SLC4A7: variants seen among roughly 807,000 people sequenced by gnomAD.
SLC4A7 encodes the protein sodium bicarbonate cotransporter 3.
SLC4A7 carries 51 observed loss-of-function variants against 137.6 expected under a neutral mutation model. The ratio of observed to expected loss-of-function variants is 0.37; its 90% confidence interval spans 0.30 to 0.47. The LOEUF (loss-of-function observed/expected upper bound fraction) is 0.47. Among genes scored for constraint, SLC4A7 ranks in the 20% least tolerant of loss-of-function variants. The probability of loss-of-function intolerance (pLI) is 1.00; values close to 1 mark genes in which losing one functional copy is unlikely to be tolerated. For missense variants in SLC4A7, 1,247 were observed against 1,525.4 expected (o/e 0.82, Z 3.04); for synonymous variants, 542 against 518.6 (o/e 1.05, Z -0.61).
chr3:27,383,345 C>T (rs1232696734), intron 23 of SLC4A7, 95 bp from the exon 24 acceptor site: 3 of 849,830 alleles, frequency 3.5e-6, no homozygotes, highest in Non-Finnish European at 5.7e-6. Flanking sequence ...GAAACCCAAA[C>T]TGACATTATT....
chr3:27,418,955 A>AT (rs1343565065), intron 10 of SLC4A7, among the ~76,000 whole-genome samples: 1 of 152,212 alleles, frequency 6.6e-6, no homozygotes, highest in Non-Finnish European at 1.5e-5. Context: ...CTTCTATGAC[A>AT]TTTAAATGTC....
In SLC4A7 at chr3:27,456,899, T is replaced by G. The variant is rs151224674; in HGVS notation, c.61-4401A>C. 1.5e-4 allele frequency: 208 copies of G among 1,354,894 alleles called. No individual in the cohort carries two copies. The African/African-American group carries it at 2.9e-3, about 19-fold the overall frequency. 83.9% of individuals were successfully genotyped at this position (1,354,894 alleles called of 1,614,324 possible). A position where few individuals can be genotyped will look rare whatever the true frequency, so the allele number is the denominator to read the frequency against. ...ACACAGGGTCACAGCATAACAGATT[T>G]GGAAAGTAATATACACATTTAGTTA... On this transcript the variant is annotated intron_variant, in intron 1 of 25. Transcript: ENST00000454389.
rs1233387251 is a variant in SLC4A7 at position 27,375,603 on chromosome 3, TTAAGA to T, written c.*1156_*1160del. ...AAAGATGTAAAATCTATCAATTGCTTTAAGATAATAAACATAAATGAAAGTAAGCA... is the reference window on the plus strand; with the variant it reads ...AAAGATGTAAAATCTATCAATTGCTTTAATAAACATAAATGAAAGTAAGCA... On this transcript the variant is annotated 3_prime_UTR_variant, in exon 26 of 26. Transcript: ENST00000454389. 1.3e-5 allele frequency: 2 copies of T among 152,414 alleles called. No individual in the cohort carries two copies. The highest frequency in any genetic ancestry group is 2.9e-5 in the Non-Finnish European group (2 of 67,872). The allele number at this position is 152,414 out of a possible 1,614,324, so 9.4% of individuals were successfully genotyped here. A position where few individuals can be genotyped will look rare whatever the true frequency, so the allele number is the denominator to read the frequency against.
intron 1 of SLC4A7, among the ~76,000 whole-genome samples, chr3:27,471,554 T>C (rs573578432): frequency 6.6e-6 from 1 of 152,284 alleles, no homozygotes; most frequent in East Asian, 1.9e-4. Context: ...GTATTTTTAG[T>C]AGAGATGGGG....
intron 1 of SLC4A7, among the ~76,000 whole-genome samples, chr3:27,477,565 C>A (rs1018399164): frequency 6.6e-6 from 1 of 152,176 alleles, no homozygotes; most frequent in Non-Finnish European, 1.5e-5. Context: ...AAGCTGCATT[C>A]TCTCCCCATC....
In SLC4A7 at chr3:27,397,693, T is replaced by C. The variant is rs1262580558; in HGVS notation, c.2694A>G (p.Glu898=). 4.4e-6 allele frequency: 7 copies of C among 1,575,196 alleles called. No homozygotes were observed. Among genetic ancestry groups the C allele is most frequent in the Non-Finnish European group, 6.1e-6 (7 of 1,147,024 alleles). The change falls in exon 18 of 26, where the codon GAA becomes GAG. Residue 898 remains glutamate, a synonymous_variant. Coordinates refer to ENST00000454389, the MANE Select transcript of SLC4A7 (RefSeq NM_001321103.2). The part of the protein sequence containing the change: ...GVPSPKLHVP[E]KFEPTHPERG... Reference sequence around the variant, plus strand: ...TTGTTTTAATCCTTACCTCAAATTTTTCAGGAACATGAAGTTTAGGAGATG... The same window carrying C: ...TTGTTTTAATCCTTACCTCAAATTTCTCAGGAACATGAAGTTTAGGAGATG...
intron 1 of SLC4A7, among the ~76,000 whole-genome samples, chr3:27,471,613 C>T (rs2059249570): frequency 6.6e-6 from 1 of 152,168 alleles, no homozygotes; most frequent in African/African-American, 2.4e-5. Flanking sequence ...CTCAGGTGAT[C>T]CGCCCACCTC....
chr3:27,384,180 A>C (rs1228013962), intron 23 of SLC4A7, among the ~76,000 whole-genome samples: 1 of 152,044 alleles, frequency 6.6e-6, no homozygotes, highest in African/African-American at 2.4e-5. Flanking sequence ...ACAAACAAAC[A>C]AAAACAAAAA....
chr3:27,404,407 T>A (rs1249639878), intron 14 of SLC4A7, among the ~76,000 whole-genome samples: 1 of 152,140 alleles, frequency 6.6e-6, no homozygotes, highest in Non-Finnish European at 1.5e-5. Flanking sequence ...AGGAACAGTA[T>A]TAGCCATGCT....
chr3:27,428,089 G>A (rs1461193425), intron 7 of SLC4A7, among the ~76,000 whole-genome samples: 1 of 152,076 alleles, frequency 6.6e-6, no homozygotes, highest in Admixed American at 6.6e-5. Context: ...TTTTGTTCAA[G>A]GAAAAATAGT....
chr3:27,456,900 G>A, intron 1 of SLC4A7: 1 of 1,346,146 alleles, frequency 7.4e-7, no homozygotes, highest in Non-Finnish European at 9.5e-7. Flanking sequence ...TAACAGATTT[G>A]GAAAGTAATA....
chr3:27,466,308 G>A (rs894562682), intron 1 of SLC4A7, among the ~76,000 whole-genome samples: 10 of 151,442 alleles, frequency 6.6e-5, no homozygotes, highest in African/African-American at 1.2e-4. Flanking sequence ...AAAATTAGCC[G>A]GGCGAGGTGG....
At chr3:27,477,968 G>A (rs998893251) in intron 1 of SLC4A7, among the ~76,000 whole-genome samples, 18 of 152,060 alleles carry the variant, frequency 1.2e-4, no homozygotes, top group African/African-American at 4.3e-4. Flanking sequence ...AAATAAAAGA[G>A]GCATCTTCCA....
intron 3 of SLC4A7, 77 bp downstream of exon 3, chr3:27,448,574 A>T (rs1040605141): frequency 9.3e-6 from 12 of 1,284,812 alleles, no homozygotes; most frequent in Non-Finnish European, 1.2e-5. Flanking sequence ...TTTTTAAAAG[A>T]AATATTCAAT....
chr3:27,465,946 T>G (rs1321079347), intron 1 of SLC4A7, among the ~76,000 whole-genome samples: 5 of 107,084 alleles, frequency 4.7e-5, no homozygotes, highest in Admixed American at 1.2e-4. Context: ...AGAGCAAGAG[T>G]CCGTCTCAAA....
chr3:27,444,320 G>A (rs1208194053), intron 3 of SLC4A7, among the ~76,000 whole-genome samples: 1 of 152,048 alleles, frequency 6.6e-6, no homozygotes, highest in African/African-American at 2.4e-5. Context: ...TTCTTCTTGG[G>A]TTTTGTTCAG....
chr3:27,397,581 A>G (rs1227010935), intron 18 of SLC4A7, 103 bp downstream of exon 18: 4 of 659,708 alleles, frequency 6.1e-6, no homozygotes, highest in African/African-American at 3.7e-5. Context: ...CCCTTCAAAG[A>G]GACTACATAC....
At chr3:27,383,688 G>A (rs534129066) in intron 23 of SLC4A7, among the ~76,000 whole-genome samples, 80 of 152,268 alleles carry the variant, frequency 5.3e-4, no homozygotes, top group Non-Finnish European at 1.1e-3. Context: ...GAAGTCCTGT[G>A]TATATAGAGT....
intron 23 of SLC4A7, among the ~76,000 whole-genome samples, chr3:27,384,518 A>G (rs1372177495): frequency 6.6e-6 from 1 of 152,236 alleles, no homozygotes; most frequent in Non-Finnish European, 1.5e-5. Flanking sequence ...TACTTGAAAC[A>G]CAAGAATAAC....
Sources: gnomAD v4.1 joint callset for allele counts (sites outside exome capture counted in the v4.1 genomes callset) on GRCh38, gnomAD v4.1.1 for gene constraint, MANE v1.5 for transcripts, NCBI Gene and HGNC (gene_info 2026-07-23, HGNC 2026-07-21) for gene names.